Variants in PROCA1 observed in about 807,000 individuals in gnomAD.
PROCA1 encodes protein PROCA1.
PROCA1 carries 22 observed loss-of-function variants against 23.2 expected under a neutral mutation model. The ratio of observed to expected loss-of-function variants is 0.95; its 90% CI spans 0.68 to 1.35. PROCA1 has a LOEUF of 1.35. Ranked by LOEUF, PROCA1 falls within the 40% of genes most tolerant of loss-of-function variation. The pLI is 0.00. For synonymous variants in PROCA1, 182 were observed against 179.2 expected (o/e 1.02, Z -0.12); for missense variants, 469 against 459.8 (o/e 1.02, Z -0.18).
At chr17:28,709,430 T>C (rs901966767) in intron 1 of PROCA1, among the ~76,000 whole-genome samples, 1 of 151,960 alleles carries the variant, frequency 6.6e-6, no homozygotes, top group Non-Finnish European at 1.5e-5. Context: ...TAATTTTATG[T>C]ATTTTTAGTA....
At position 28,703,948 on chromosome 17, in the gene PROCA1, C is replaced by T; in HGVS notation, c.705G>A (p.Lys235=). Residue 235 remains lysine, a synonymous_variant, in exon 5 of 5, where the codon AAG becomes AAA. Coordinates refer to ENST00000682792, the MANE Select transcript of PROCA1 (RefSeq NM_001366301.1). ...TCTCTTTTTCCTTTTTCTTCTTTAC[C>T]TTCTTGATCACCTTGCTGCCCTGAC... ...GKGQGSKVIK[K]VKKKKEKEKD... is the part of the protein sequence containing the mutation. 3 of 1,612,102 alleles carry T rather than the reference C, an allele frequency of 1.9e-6. No homozygotes were observed. The highest frequency in any genetic ancestry group is 2.2e-5 in the South Asian group (2 of 90,846).
intron 1 of PROCA1, chr17:28,707,124 C>A (rs150661208): frequency 7.7e-5 from 20 of 260,870 alleles, no homozygotes; most frequent in South Asian, 2.1e-4. Context: ...TGAATAGGAG[C>A]CAGCCAGGGT....
At chr17:28,709,814 T>A (rs1235573920) in intron 1 of PROCA1, among the ~76,000 whole-genome samples, 1 of 151,258 alleles carries the variant, frequency 6.6e-6, no homozygotes, top group Non-Finnish European at 1.5e-5. Flanking sequence ...ATGGTCAACA[T>A]GGTGAAATCC....
chr17:28,704,885 C>T (rs909961213), intron 2 of PROCA1, 42 bp from the exon 3 acceptor site: 2 of 1,593,156 alleles, frequency 1.3e-6, no homozygotes, highest in Non-Finnish European at 1.7e-6. Context: ...CAGCCGCAGA[C>T]CTCTGGGTCT....
chr17:28,706,940 T>TGGGGGGGGGGGGGGGGGGG, intron 1 of PROCA1, 177 bp from the exon 2 acceptor site: 6 of 194 alleles, frequency 0.031, 1 homozygote, highest in Non-Finnish European at 0.049. Context: ...GGTGGGGCTA[T>TGGGGGGGGGGGGGGGGGGG]GAGGGGGAGG....
At chr17:28,710,281 GA>G (rs1436818265) in intron 1 of PROCA1, among the ~76,000 whole-genome samples, 7 of 151,806 alleles carry the variant, frequency 4.6e-5, no homozygotes, top group African/African-American at 1.5e-4. Context: ...GGCGGATCAC[GA>G]GGTCAGGAGT....
At chr17:28,711,381 C>A in intron 1 of PROCA1, 189 bp downstream of exon 1, 1 of 583,958 alleles carries the variant, frequency 1.7e-6, no homozygotes, top group Non-Finnish European at 2.8e-6. Flanking sequence ...TGGCCCGCGG[C>A]TCGACGCGAG....
At chr17:28,707,797 G>A (rs894536750) in intron 1 of PROCA1, 1 of 152,040 alleles carries the variant, frequency 6.6e-6, no homozygotes, top group East Asian at 1.9e-4. Flanking sequence ...ACATATGTTG[G>A]GTGGCTTCCC....
At chr17:28,711,505 T>C (rs1162660744) in intron 1 of PROCA1, 65 bp downstream of exon 1, 1 of 1,378,460 alleles carries the variant, frequency 7.3e-7, no homozygotes, top group East Asian at 2.5e-5. Context: ...GCTTCCCGCG[T>C]GCGCCGCTCG....
intron 4 of PROCA1, 37 bp from the exon 5 acceptor site, chr17:28,704,249 G>A (rs749935595): frequency 5.7e-6 from 9 of 1,570,324 alleles, no homozygotes; most frequent in Non-Finnish European, 6.9e-6. Context: ...TTGACAGAGA[G>A]TGGGGGGCAG....
rs529027052 is a variant in PROCA1 at position 28,703,722 on chromosome 17, C to T, written c.931G>A (p.Gly311Ser). ...EELESEDSYN[G>S]RGQGELSSED... The stretch of plus-strand genomic sequence containing the variant: ...CTGGACAGTTCTCCCTGCCCCCGGC[C>T]ATTGTAACTGTCCTCGCTCTCCAGC... Residue 311 changes from glycine (G) to serine (S), a missense_variant, in exon 5 of 5, where the codon GGC (glycine) becomes AGC (serine). Coordinates refer to ENST00000682792, the MANE Select transcript of PROCA1 (RefSeq NM_001366301.1). 167 of 1,614,140 alleles carry T rather than the reference C, an allele frequency of 1.0e-4. No individual in the cohort carries two copies. The highest frequency in any genetic ancestry group is 1.2e-4 in the Admixed American group (7 of 60,016).
At chr17:28,705,182 G>A (rs143504118) in intron 2 of PROCA1, 5 of 253,056 alleles carry the variant, frequency 2.0e-5, no homozygotes, top group South Asian at 1.0e-4. Flanking sequence ...TCCACAAGGC[G>A]CCTGGTAGGA....
At position 28,704,299 on chromosome 17, in the gene PROCA1, T is replaced by C; in HGVS notation, c.440+8A>G. On this transcript the variant is annotated splice_region_variant and intron_variant, in intron 4 of 4. Coordinates refer to ENST00000682792, the MANE Select transcript of PROCA1 (RefSeq NM_001366301.1). ...CCCTTCCCCATCAGCCCACCGGGGC[T>C]CACTCACCAGCCATACCGGAATCGC... 1 of 1,609,536 alleles carries C rather than the reference T, an allele frequency of 6.2e-7. No individual in the cohort carries two copies. Among genetic ancestry groups the C allele is most frequent in the Non-Finnish European group, 8.5e-7 (1 of 1,177,346 alleles).
chr17:28,711,013 G>GGAAGGAGTAGGGCGGGAAGGGAGA, intron 1 of PROCA1: 2 of 1,213,606 alleles, frequency 1.6e-6, no homozygotes, highest in African/African-American at 1.6e-5. Flanking sequence ...GGGAAGGGAG[G>GGAAGGAGTAGGGCGGGAAGGGAGA]GAAGAAACTA....
At chr17:28,711,017 G>GGAGT (rs2032754887) in intron 1 of PROCA1, 106 of 1,201,692 alleles carry the variant, frequency 8.8e-5, no homozygotes, top group South Asian at 2.6e-4. Context: ...AGGGAGGGAA[G>GGAGT]AAACTAGGAG....
chr17:28,706,807 T>G, intron 1 of PROCA1, 44 bp from the exon 2 acceptor site: 1 of 1,300,460 alleles, frequency 7.7e-7, no homozygotes, highest in Non-Finnish European at 1.0e-6. Context: ...GCCCCCTCCC[T>G]GTGCCATTTA....
chr17:28,703,708 TC>T lies in PROCA1; in HGVS notation c.944del (p.Gly315GlufsTer36), dbSNP rs1183340102. On this transcript the variant is annotated frameshift_variant, in exon 5 of 5. Coordinates refer to ENST00000682792, the MANE Select transcript of PROCA1 (RefSeq NM_001366301.1). LOFTEE classifies it low-confidence loss of function (END_TRUNC). ...SEDSYNGRGQ[G>X]ELSSEDIVES... ...CCACAATATCCTCGCTGGACAGTTC[TC>T]CCTGCCCCCGGCCATTGTAACTGTC... The T allele has an allele frequency of 6.2e-7, 1 of 1,614,228 alleles. No individual in the cohort carries two copies. Among genetic ancestry groups the T allele is most frequent in the South Asian group, 1.1e-5 (1 of 91,080 alleles).
At chr17:28,710,786 G>GA (rs2032741881) in intron 1 of PROCA1, 29 of 1,303,760 alleles carry the variant, frequency 2.2e-5, no homozygotes, top group Non-Finnish European at 2.8e-5. Flanking sequence ...TGAGGAGGGT[G>GA]ATAGGGTGAA....
At position 28,711,774 on chromosome 17, in the gene PROCA1, C is replaced by T. The variant is rs1483836222; in HGVS notation, c.-114G>A. ...TGAACTCCAGTCTCGGCTTCGCCCC[C>T]GCCTAGCCCCTAACCCCGCCTCATG... On this transcript the variant is annotated 5_prime_UTR_variant, in exon 1 of 5. Transcript: ENST00000682792. 5.9e-6 allele frequency: 5 copies of T among 851,200 alleles called. No homozygotes were observed. The highest frequency in any genetic ancestry group is 5.4e-5 in the African/African-American group (3 of 55,778). 52.7% of individuals were successfully genotyped at this position (851,200 alleles called of 1,614,324 possible).
Sources: gnomAD v4.1 joint callset for allele counts (sites outside exome capture counted in the v4.1 genomes callset) on GRCh38, gnomAD v4.1.1 for gene constraint, MANE v1.5 for transcripts, NCBI Gene and HGNC (gene_info 2026-07-23, HGNC 2026-07-21) for gene names.